The following ULK1 variants were observed in gnomAD, a reference collection of about 807,000 sequenced individuals.
ULK1 encodes the protein unc-51 like autophagy activating kinase 1, also known as serine/threonine-protein kinase ULK1.
Under a neutral mutation model 117.5 loss-of-function variants are expected in ULK1, and 48 were observed. The observed-to-expected ratio is 0.41, with a 90% confidence interval of 0.32 to 0.52. The LOEUF (loss-of-function observed/expected upper bound fraction) is 0.52, where lower values mean the gene tolerates loss of function less well. Ranked by LOEUF, ULK1 falls within the 20% of genes least tolerant of loss-of-function variation. The pLI, the probability that ULK1 is intolerant of heterozygous loss-of-function variation, is 0.29. For synonymous variants in ULK1, 790 were observed against 637.8 expected (o/e 1.24, Z -3.60); for missense variants, 1,387 against 1,473.4 (o/e 0.94, Z 0.96).
At position 131,919,313 on chromosome 12, in the gene ULK1, G is replaced by C; in HGVS notation, c.2613G>C (p.Ala871=). The change falls in exon 24 of 28, where the codon GCG becomes GCC. Residue 871 remains alanine, a synonymous_variant. Transcript: ENST00000321867. The part of the protein sequence containing the change: ...AALKGSASEA[A]GGPEYQLQES... Reference sequence around the variant, plus strand: ...TGAAGGGCAGCGCCAGTGAGGCGGCGGGGGGCCCTGAGTACCAGCTGCAGG... The same window carrying C: ...TGAAGGGCAGCGCCAGTGAGGCGGCCGGGGGCCCTGAGTACCAGCTGCAGG... 1 of 1,588,614 alleles carries C rather than the reference G, an allele frequency of 6.3e-7. No homozygotes were observed. The highest frequency in any genetic ancestry group is 8.5e-7 in the Non-Finnish European group (1 of 1,170,184).
At chr12:131,907,939 C>G (rs1247914519) in intron 5 of ULK1, among the ~76,000 whole-genome samples, 1 of 147,770 alleles carries the variant, frequency 6.8e-6, no homozygotes. Flanking sequence ...GGGGGGCGGC[C>G]GCGCCCGTCT....
chr12:131,916,899 C>A, intron 20 of ULK1, 54 bp from the exon 21 acceptor site: 1 of 1,512,028 alleles, frequency 6.6e-7, no homozygotes, highest in Non-Finnish European at 9.0e-7. Flanking sequence ...CTCTCGAGGT[C>A]CAGTTAGGGT....
At position 131,922,133 on chromosome 12, in the gene ULK1, A is replaced by G. The variant is rs566384475; in HGVS notation, c.*772A>G. 5.9e-5 allele frequency: 23 copies of G among 391,586 alleles called. No homozygotes were observed. Among genetic ancestry groups the G allele is most frequent in the African/African-American group, 2.3e-4 (11 of 47,376 alleles). 24.3% of individuals were successfully genotyped at this position (391,586 alleles called of 1,614,324 possible). On this transcript the variant is annotated 3_prime_UTR_variant, in exon 28 of 28. Transcript: ENST00000321867. ...CTGGATACGTCTTGTAATCTTTCACACTTTATTCCTAAAACGTGTCTTATT... is the reference window on the plus strand; with the variant it reads ...CTGGATACGTCTTGTAATCTTTCACGCTTTATTCCTAAAACGTGTCTTATT...
intron 3 of ULK1, among the ~76,000 whole-genome samples, chr12:131,899,105 C>T (rs969648110): frequency 2.6e-5 from 4 of 151,592 alleles, no homozygotes; most frequent in South Asian, 2.1e-4. Flanking sequence ...TCTTGAACGC[C>T]GGACCTCACC....
rs1228092129 is a variant in ULK1 at position 131,921,931 on chromosome 12, CA to C, written c.*571del. ...CCTGGTGTTTGTACATACACATATG[CA>C]GACACATGCCAGGGCCCCCCAAGCC... is the stretch of plus-strand genomic sequence containing the variant. On this transcript the variant is annotated 3_prime_UTR_variant, in exon 28 of 28. Transcript: ENST00000321867. 2 of 456,386 alleles carry C rather than the reference CA, an allele frequency of 4.4e-6. No individual in the cohort carries two copies. The highest frequency in any genetic ancestry group is 8.8e-6 in the Non-Finnish European group (2 of 226,948). The allele number at this position is 456,386 out of a possible 1,614,324, so 28.3% of individuals were successfully genotyped here.
intron 17 of ULK1, 44 bp from the exon 18 acceptor site, chr12:131,915,287 GCTGT>G: frequency 6.2e-7 from 1 of 1,610,104 alleles, no homozygotes; most frequent in East Asian, 2.2e-5. Context: ...GGGTGAGGAG[GCTGT>G]CTCTGTCCCA....
intron 3 of ULK1, among the ~76,000 whole-genome samples, chr12:131,896,049 G>A (rs1185409494): frequency 6.6e-6 from 1 of 152,190 alleles, no homozygotes; most frequent in Non-Finnish European, 1.5e-5. Flanking sequence ...GCGCCCCAGG[G>A]CAGGGCTGAG....
chr12:131,907,666 T>TC (rs1446861234), intron 5 of ULK1, 135 bp downstream of exon 5: 1 of 1,142,136 alleles, frequency 8.8e-7, no homozygotes, highest in Non-Finnish European at 1.2e-6. Flanking sequence ...CTCTTTCTTG[T>TC]CCCCCTGGGC....
At chr12:131,909,054 C>T in intron 7 of ULK1, 82 bp from the exon 8 acceptor site, 3 of 1,609,178 alleles carry the variant, frequency 1.9e-6, no homozygotes, top group South Asian at 2.2e-5. Context: ...GTGCGCTCTG[C>T]TCTGGTTGGC....
intron 14 of ULK1, 21 bp downstream of exon 14, chr12:131,913,279 T>G (rs375761111): frequency 2.0e-6 from 3 of 1,533,716 alleles, no homozygotes; most frequent in Non-Finnish European, 2.6e-6. Context: ...ATCCCTTACC[T>G]CTGTATTTTA....
intron 20 of ULK1, 24 bp downstream of exon 20, chr12:131,916,615 G>A (rs772507939): frequency 3.9e-6 from 6 of 1,536,160 alleles, no homozygotes; most frequent in Non-Finnish European, 5.2e-6. Context: ...ACAGGCCTTG[G>A]ACGGGCTTCT....
Position 131,916,557 on chromosome 12 carries a change from C to T in ULK1, c.2038C>T (p.Arg680Trp), listed in dbSNP as rs147399196. Residue 680 changes from arginine (R) to tryptophan (W), a missense_variant, in exon 20 of 28, where the codon CGG becomes TGG. By Grantham distance (101) the Arg-to-Trp change is moderately radical. This residue lies in a region of ULK1 where 900 missense variants were observed against 858.9 expected (regional missense o/e 1.05). Transcript: ENST00000321867. ...TGGTCAGCCGTTGGGCCCTGGCCTG[C>T]GGCCAGGCGAGGACCCCAAGGGCCC... ...FHGQPLGPGL[R>W]PGEDPKGPFG... The T allele has an allele frequency of 7.0e-4, 1,121 of 1,600,554 alleles. 5 individuals are homozygous for T. The highest frequency in any genetic ancestry group is 1.4e-3 in the African/African-American group (102 of 74,274).
In ULK1 at chr12:131,921,776, C is replaced by T. The variant is rs768182210; in HGVS notation, c.*415C>T. 11 of 513,312 alleles carry T rather than the reference C, an allele frequency of 2.1e-5. No individual in the cohort carries two copies. The highest frequency in any genetic ancestry group is 1.2e-4 in the South Asian group (8 of 65,060). The allele number at this position is 513,312 out of a possible 1,614,324, so 31.8% of individuals were successfully genotyped here. On this transcript the variant is annotated 3_prime_UTR_variant, in exon 28 of 28. Transcript: ENST00000321867. ...CAGGAAGAGCCTGCGGCCTCGGCGT[C>T]CCCCAGTCTCCAGGAGCCTCTCCCT...
At chr12:131,920,444 C>T (rs1051386849) in intron 26 of ULK1, 5 of 362,472 alleles carry the variant, frequency 1.4e-5, no homozygotes, top group Admixed American at 4.3e-5. Context: ...CCTCCAGAAG[C>T]AGCACCTGGT....
Position 131,916,716 on chromosome 12 carries a change from C to T in ULK1, c.2072+125C>T, listed in dbSNP as rs371609932. ...CCAGCCTTGCCCTTCTGTGGGTGCC[C>T]AGTGTGGCTGGGTGCCAGAGAGCCT... On this transcript the variant is annotated intron_variant, in intron 20 of 27. Transcript: ENST00000321867. 2.5e-5 allele frequency: 32 copies of T among 1,284,102 alleles called. 1 individual carries two copies. The South Asian group carries it at 3.2e-4, about 13-fold the overall frequency. The allele number at this position is 1,284,102 out of a possible 1,614,324, so 79.5% of individuals were successfully genotyped here.
chr12:131,906,858 T>A (rs1889296543), intron 3 of ULK1, 34 bp from the exon 4 acceptor site: 1 of 1,613,904 alleles, frequency 6.2e-7, no homozygotes, highest in Admixed American at 1.7e-5. Flanking sequence ...CCGGTGGCAC[T>A]GGGACCTCTC....
In ULK1 at chr12:131,916,576, A is replaced by C; in HGVS notation, c.2057A>C (p.Lys686Thr). 6.3e-7 allele frequency: 1 copy of C among 1,584,954 alleles called. No individual in the cohort carries two copies. The highest frequency in any genetic ancestry group is 2.2e-5 in the East Asian group (1 of 44,550). ...GGCCTGCGGCCAGGCGAGGACCCCA[A>C]GGGCCCCTTTGGCCGGTGAGTTGAG... is the stretch of plus-strand genomic sequence containing the variant. ...GPGLRPGEDP[K>T]GPFGRSFSTS... Residue 686 changes from lysine to threonine, a missense_variant, in exon 20 of 28, where the codon AAG becomes ACG. By Grantham distance (78) the Lys-to-Thr change is moderately conservative. Coordinates refer to ENST00000321867, the MANE Select transcript of ULK1 (RefSeq NM_003565.4).
rs568323540 is a variant in ULK1 at position 131,902,960 on chromosome 12, C to T, written c.247-3932C>T. Among the ~76,000 whole-genome samples, 5 of 152,176 alleles carry T rather than the reference C, an allele frequency of 3.3e-5. No homozygotes were observed. The East Asian group carries it at 5.8e-4, about 18-fold the overall frequency. On this transcript the variant is annotated intron_variant, in intron 3 of 27. Coordinates refer to ENST00000321867, the MANE Select transcript of ULK1 (RefSeq NM_003565.4). This position sits in a 1 kb window ranked among gnomAD's most constrained non-coding sequence, Gnocchi z 6.3. ...AAACCAAATGTAGCTGCGAGGCAGA[C>T]GTGGAGCCCGATGCCCTGTGTGGGT...
chr12:131,916,636 C>T (rs761614560), intron 20 of ULK1, 45 bp downstream of exon 20: 1 of 1,489,248 alleles, frequency 6.7e-7, no homozygotes, highest in Admixed American at 2.5e-5. Context: ...GAGGGGCAGC[C>T]TCTTTCCCCT....
Sources: allele counts gnomAD v4.1 joint callset (sites outside exome capture counted in the v4.1 genomes callset), GRCh38; gene constraint gnomAD v4.1.1; regional missense constraint gnomAD v4.1.1; non-coding constraint Gnocchi (gnomAD v3.1); transcripts MANE v1.5; gene names NCBI Gene and HGNC (gene_info 2026-07-23, HGNC 2026-07-21).